EPHA5: variants seen among roughly 807,000 people sequenced by gnomAD.
The protein encoded by EPHA5 is EPH receptor A5.
EPHA5 carries 60 observed loss-of-function variants against 105.0 expected under a neutral mutation model. The observed-to-expected ratio is 0.57, with a 90% CI of 0.46 to 0.71. The LOEUF (loss-of-function observed/expected upper bound fraction) is 0.71. Ranked by LOEUF, EPHA5 falls within the 30% of genes least tolerant of loss-of-function variation. The pLI, the probability that EPHA5 is intolerant of heterozygous loss-of-function variation, is 0.00. For synonymous variants in EPHA5, 513 were observed against 449.1 expected (o/e 1.14, Z -1.80); for missense variants, 1,218 against 1,274.7 (o/e 0.96, Z 0.68).
chr4:65,632,618 A>ATATAG (rs1746754832), intron 2 of EPHA5, among the ~76,000 whole-genome samples: 3 of 151,946 alleles, frequency 2.0e-5, no homozygotes, highest in Admixed American at 2.0e-4. Flanking sequence ...ATTATCAATC[A>ATATAG]GTAACTGATA....
intron 6 of EPHA5, among the ~76,000 whole-genome samples, chr4:65,419,316 C>G (rs1230680132): frequency 1.3e-5 from 2 of 151,966 alleles, no homozygotes; most frequent in Non-Finnish European, 2.9e-5. Context: ...TTTCCAATGC[C>G]CTAGCTTGGG....
At chr4:65,436,845 CT>C (rs879323564) in intron 5 of EPHA5, among the ~76,000 whole-genome samples, 1 of 152,082 alleles carries the variant, frequency 6.6e-6, no homozygotes, top group Admixed American at 6.6e-5. Context: ...TGCCAAAAGT[CT>C]TTTTCCCCCC....
intron 4 of EPHA5, among the ~76,000 whole-genome samples, chr4:65,494,028 C>T (rs191984714): frequency 6.7e-4 from 102 of 152,260 alleles, no homozygotes; most frequent in African/African-American, 2.3e-3. Flanking sequence ...AACCAAAATT[C>T]ATCACATCCA....
chr4:65,530,795 T>A (rs1458054276), intron 3 of EPHA5, among the ~76,000 whole-genome samples: 1 of 152,140 alleles, frequency 6.6e-6, no homozygotes, highest in East Asian at 1.9e-4. Context: ...CAGATGCCTA[T>A]CCACTACCCA....
At chr4:65,564,596 A>C (rs960394470) in intron 3 of EPHA5, among the ~76,000 whole-genome samples, 2 of 151,776 alleles carry the variant, frequency 1.3e-5, no homozygotes, top group Non-Finnish European at 2.9e-5. Context: ...ATTACTATAA[A>C]CTTTAAACCC....
intron 8 of EPHA5, among the ~76,000 whole-genome samples, chr4:65,378,203 G>A (rs1463480340): frequency 6.6e-6 from 1 of 151,676 alleles, no homozygotes; most frequent in African/African-American, 2.4e-5. Context: ...CTAAATGTCT[G>A]AGGATTTGAC....
intron 2 of EPHA5, among the ~76,000 whole-genome samples, chr4:65,611,659 C>G (rs1205875208): frequency 6.6e-6 from 1 of 151,760 alleles, no homozygotes; most frequent in Non-Finnish European, 1.5e-5. Flanking sequence ...CCTCATTTTT[C>G]AGTAGATAAT....
intron 5 of EPHA5, among the ~76,000 whole-genome samples, chr4:65,437,819 C>T (rs1725625736): frequency 6.6e-6 from 1 of 151,522 alleles, no homozygotes; most frequent in South Asian, 2.1e-4. Flanking sequence ...GGATTTAATA[C>T]CATACTAAAT....
At chr4:65,482,852 TA>T (rs1224798953) in intron 5 of EPHA5, among the ~76,000 whole-genome samples, 6 of 66,960 alleles carry the variant, frequency 9.0e-5, no homozygotes, top group African/African-American at 3.1e-4. Context: ...TTTTTTTTTT[TA>T]GAGGATCTTT....
chr4:65,500,265 G>A (rs1732344172), intron 3 of EPHA5, among the ~76,000 whole-genome samples: 1 of 151,192 alleles, frequency 6.6e-6, no homozygotes, highest in Admixed American at 6.6e-5. Flanking sequence ...TTTAAGTTGA[G>A]CAAAGAGTAG....
intron 6 of EPHA5, among the ~76,000 whole-genome samples, chr4:65,417,328 G>A (rs1275708351): frequency 6.6e-6 from 1 of 152,160 alleles, no homozygotes; most frequent in East Asian, 1.9e-4. Flanking sequence ...AATCAGCTTT[G>A]AAAACCTATC....
intron 1 of EPHA5, among the ~76,000 whole-genome samples, chr4:65,659,741 T>A (rs1749399060): frequency 6.6e-6 from 1 of 152,192 alleles, no homozygotes; most frequent in Non-Finnish European, 1.5e-5. Flanking sequence ...GCATACATTT[T>A]AAAAGTGGAT....
intron 1 of EPHA5, among the ~76,000 whole-genome samples, chr4:65,658,776 A>G (rs568128550): frequency 2.2e-4 from 34 of 152,164 alleles, no homozygotes; most frequent in Non-Finnish European, 1.5e-5. Context: ...CAATTTTGCT[A>G]TACCTCAGCT....
chr4:65,330,113 C>G (rs950100802), intron 16 of EPHA5, among the ~76,000 whole-genome samples: 2 of 151,276 alleles, frequency 1.3e-5, no homozygotes, highest in Admixed American at 1.3e-4. Context: ...TTACTATAGA[C>G]AGACCAATAC....
intron 16 of EPHA5, chr4:65,330,865 A>G: frequency 3.9e-6 from 4 of 1,034,714 alleles, no homozygotes; most frequent in Non-Finnish European, 4.7e-6. Context: ...TAAATTTAGA[A>G]AGCAAGCTGA....
intron 1 of EPHA5, among the ~76,000 whole-genome samples, chr4:65,662,980 A>G (rs1749677189): frequency 6.6e-6 from 1 of 152,188 alleles, no homozygotes; most frequent in Non-Finnish European, 1.5e-5. Context: ...GAAAGAAGGC[A>G]TGCCCTAGGT....
intron 5 of EPHA5, among the ~76,000 whole-genome samples, chr4:65,476,127 A>AGTGT (rs58933650): frequency 0.056 from 6,661 of 119,084 alleles, 237 homozygotes; most frequent in African/African-American, 0.1. Flanking sequence ...AGAGAGAGAG[A>AGTGT]GTGTGTGTGT....
chr4:65,456,362 A>G (rs181258488), intron 5 of EPHA5, among the ~76,000 whole-genome samples: 3 of 152,000 alleles, frequency 2.0e-5, no homozygotes, highest in African/African-American at 7.2e-5. Flanking sequence ...AAAAGGAAAC[A>G]GTAGTATAAT....
chr4:65,487,796 T>C (rs527695507), intron 5 of EPHA5, among the ~76,000 whole-genome samples: 3 of 152,298 alleles, frequency 2.0e-5, no homozygotes, highest in South Asian at 4.1e-4. Flanking sequence ...ATAATAAAAC[T>C]CTGGTCTCCT....
Sources: allele counts gnomAD v4.1 joint callset (sites outside exome capture counted in the v4.1 genomes callset), GRCh38; gene constraint gnomAD v4.1.1; transcripts MANE v1.5; gene names NCBI Gene and HGNC (gene_info 2026-07-23, HGNC 2026-07-21).